CYTH3: variants seen among roughly 807,000 people sequenced by gnomAD.
The protein encoded by CYTH3 is cytohesin-3.
CYTH3 carries 23 observed loss-of-function variants against 55.1 expected under a neutral mutation model. The observed-to-expected ratio is 0.42, with a 90% CI of 0.30 to 0.59. The LOEUF (loss-of-function observed/expected upper bound fraction) is 0.59, where lower values mean the gene tolerates loss of function less well. CYTH3 is among the 20% of genes least tolerant of loss of function. The pLI is 0.20. For missense variants in CYTH3, 413 were observed against 524.8 expected (o/e 0.79, Z 2.08); for synonymous variants, 249 against 194.9 (o/e 1.28, Z -2.31).
intron 1 of CYTH3, among the ~76,000 whole-genome samples, chr7:6,196,381 A>C (rs1468128105): frequency 1.3e-5 from 2 of 152,104 alleles, no homozygotes; most frequent in East Asian, 1.9e-4. Context: ...TAAAATAAAG[A>C]AGCAAGCAGG....
intron 1 of CYTH3, among the ~76,000 whole-genome samples, chr7:6,252,905 C>T (rs1780010602): frequency 6.6e-6 from 1 of 152,146 alleles, no homozygotes; most frequent in Admixed American, 6.5e-5. Flanking sequence ...TAACTACCTC[C>T]GGATGGGTGT....
chr7:6,241,100 C>G (rs760208836), intron 1 of CYTH3, among the ~76,000 whole-genome samples: 22 of 151,648 alleles, frequency 1.5e-4, no homozygotes, highest in Non-Finnish European at 2.6e-4. Flanking sequence ...CCAGCCTGGG[C>G]GACAGAGTGA....
rs1375461712 is a variant in CYTH3, at chr7:6,169,589, G to A, written c.823+946C>T. On this transcript the variant is annotated intron_variant, in intron 9 of 12. Transcript: ENST00000350796. The surrounding 1 kb of genome is among the most constrained non-coding windows in gnomAD (Gnocchi z 4.1). ...CCCAGCGGCCGCCTGCTCTCAGAAA[G>A]GCTTGCGTGAACCCAGCTACCGCAT... is the stretch of plus-strand genomic sequence containing the variant. Among the ~76,000 whole-genome samples the A allele has an allele frequency of 6.6e-6, 1 of 152,148 alleles. No individual in the cohort carries two copies. Among genetic ancestry groups the A allele is most frequent in the African/African-American group, 2.4e-5 (1 of 41,434 alleles).
At chr7:6,180,231 C>A (rs1244785040) in intron 4 of CYTH3, among the ~76,000 whole-genome samples, 3 of 152,230 alleles carry the variant, frequency 2.0e-5, no homozygotes, top group African/African-American at 4.8e-5. Flanking sequence ...GCCCAGGGAA[C>A]TGAATGGGCC....
chr7:6,217,814 C>G (rs1784460945), intron 1 of CYTH3, among the ~76,000 whole-genome samples: 1 of 152,028 alleles, frequency 6.6e-6, no homozygotes, highest in Non-Finnish European at 1.5e-5. Flanking sequence ...GTCCTAATCT[C>G]TAGAACTTGT....
chr7:6,194,275 C>T (rs974144764), intron 1 of CYTH3, among the ~76,000 whole-genome samples: 1 of 152,130 alleles, frequency 6.6e-6, no homozygotes, highest in African/African-American at 2.4e-5. Flanking sequence ...AATACGTGTA[C>T]AACTGATAAA....
intron 1 of CYTH3, among the ~76,000 whole-genome samples, chr7:6,192,274 G>T (rs958746891): frequency 2.6e-5 from 4 of 152,096 alleles, no homozygotes; most frequent in Admixed American, 6.6e-5. Context: ...TCACTGCAGT[G>T]AAATGCTGCA....
intron 1 of CYTH3, among the ~76,000 whole-genome samples, chr7:6,220,191 C>G: frequency 6.6e-6 from 1 of 152,160 alleles, no homozygotes; most frequent in East Asian, 1.9e-4. Flanking sequence ...GCCACCGCGC[C>G]TGGCCTAGCC....
intron 1 of CYTH3, among the ~76,000 whole-genome samples, chr7:6,240,060 C>T (rs1779633256): frequency 1.3e-5 from 2 of 152,162 alleles, no homozygotes; most frequent in South Asian, 4.1e-4. Flanking sequence ...AATCCCAGCA[C>T]TTTGGGAGGC....
At chr7:6,251,394 A>G (rs73675898) in intron 1 of CYTH3, among the ~76,000 whole-genome samples, 2,994 of 151,786 alleles carry the variant, frequency 0.02, 98 homozygotes, top group African/African-American at 0.068. Context: ...ACATGTAGGA[A>G]GTTTCTTGAA....
At position 6,170,305 on chromosome 7, in the gene CYTH3, C is replaced by T. The variant is rs895563029; in HGVS notation, c.823+230G>A. On this transcript the variant is annotated intron_variant, in intron 9 of 12. Coordinates refer to ENST00000350796, the MANE Select transcript of CYTH3 (RefSeq NM_004227.4). The surrounding 1 kb of genome is among the most constrained non-coding windows in gnomAD (Gnocchi z 7.8). Reference sequence around the variant, plus strand: ...AACTCAGCAGTTTTCTGGGACGGGCCGTGCAGCCTGGGCGCTACTCTCTGC... The same window carrying T: ...AACTCAGCAGTTTTCTGGGACGGGCTGTGCAGCCTGGGCGCTACTCTCTGC... 5.0e-5 allele frequency: 27 copies of T among 537,582 alleles called. No individual in the cohort carries two copies. The highest frequency in any genetic ancestry group is 3.6e-5 in the Non-Finnish European group (11 of 305,874). 33.3% of individuals were successfully genotyped at this position (537,582 alleles called of 1,614,324 possible). A position where few individuals can be genotyped will look rare whatever the true frequency, so the allele number is the denominator to read the frequency against.
intron 1 of CYTH3, 64 bp downstream of exon 1, chr7:6,272,410 G>GGGCCCC: frequency 8.2e-7 from 1 of 1,216,616 alleles, no homozygotes; most frequent in Non-Finnish European, 1.1e-6. Context: ...CCGCGCCCTC[G>GGGCCCC]ACCCCCAGCC....
intron 2 of CYTH3, among the ~76,000 whole-genome samples, chr7:6,189,580 A>G (rs191286941): frequency 2.8e-4 from 43 of 152,098 alleles, no homozygotes; most frequent in Non-Finnish European, 6.2e-4. Flanking sequence ...AAGTGCTGGG[A>G]TAACAGGTGT....
rs749321857 is a variant in CYTH3, at chr7:6,177,840, C to T, written c.351G>A (p.Gly117=). Residue 117 remains glycine, a synonymous_variant, in exon 5 of 13, where the codon GGG becomes GGA. Transcript: ENST00000350796. ...KGEGLNKTVI[G]DYLGERDEFN... is the part of the protein sequence containing the mutation. ...TAACTCACCTTTCACCCAGGTAGTC[C>T]CCAATGACGGTCTTATTTAGGCCTT... 1 of 1,614,016 alleles carries T rather than the reference C, an allele frequency of 6.2e-7. No homozygotes were observed. Among genetic ancestry groups the T allele is most frequent in the African/African-American group, 1.3e-5 (1 of 75,060 alleles).
intron 1 of CYTH3, among the ~76,000 whole-genome samples, chr7:6,232,109 T>C (rs1186761758): frequency 6.6e-6 from 1 of 152,202 alleles, no homozygotes; most frequent in Non-Finnish European, 1.5e-5. Flanking sequence ...CTGTCTTACC[T>C]TTTACCCTTC....
intron 1 of CYTH3, among the ~76,000 whole-genome samples, chr7:6,259,778 ATATATAAT>A (rs1780263768): frequency 5.0e-5 from 1 of 20,030 alleles, no homozygotes; most frequent in Non-Finnish European, 6.4e-5. Flanking sequence ...TATATTATAT[ATATATAAT>A]ATATATATAT....
intron 1 of CYTH3, among the ~76,000 whole-genome samples, chr7:6,205,287 A>G (rs1784157519): frequency 6.6e-6 from 1 of 151,936 alleles, no homozygotes; most frequent in South Asian, 2.1e-4. Context: ...GAAAATACCA[A>G]CAAAGGCCAG....
intron 1 of CYTH3, among the ~76,000 whole-genome samples, chr7:6,265,868 G>A (rs1780479059): frequency 6.6e-6 from 1 of 151,994 alleles, no homozygotes; most frequent in Non-Finnish European, 1.5e-5. Context: ...CAAAATTTTG[G>A]CCTGAGCAAC....
intron 1 of CYTH3, among the ~76,000 whole-genome samples, chr7:6,235,758 A>AT (rs1333465285): frequency 8.5e-5 from 13 of 152,186 alleles, no homozygotes; most frequent in Admixed American, 8.5e-4. Flanking sequence ...AATCAAGCAA[A>AT]TTATAAAGCC....
Sources: allele counts gnomAD v4.1 joint callset (sites outside exome capture counted in the v4.1 genomes callset), GRCh38; gene constraint gnomAD v4.1.1; non-coding constraint Gnocchi (gnomAD v3.1); transcripts MANE v1.5; gene names NCBI Gene and HGNC (gene_info 2026-07-23, HGNC 2026-07-21).